Variants in MRC2 observed in about 807,000 individuals in gnomAD.
MRC2 encodes the protein mannose receptor C-type 2, also known as C-type mannose receptor 2.
MRC2 carries 84 observed loss-of-function variants against 206.2 expected under a neutral mutation model. The ratio of observed to expected loss-of-function variants is 0.41; its 90% confidence interval spans 0.34 to 0.49. The LOEUF (loss-of-function observed/expected upper bound fraction) is 0.49. MRC2 is among the 20% of genes least tolerant of loss of function. MRC2 has a pLI of 0.31. For missense variants in MRC2, 1,676 were observed against 2,001.5 expected, an observed-to-expected ratio of 0.84 and a Z score of 3.10; for synonymous variants, 798 against 800.0, an observed-to-expected ratio of 1.00 and a Z score of 0.04.
At chr17:62,651,933 T>A (rs2465421) in intron 1 of MRC2, among the ~76,000 whole-genome samples, 2 of 152,060 alleles carry the variant, frequency 1.3e-5, no homozygotes, top group Non-Finnish European at 2.9e-5. Flanking sequence ...GAATACATTT[T>A]GCTACACATT....
intron 1 of MRC2, among the ~76,000 whole-genome samples, chr17:62,653,811 G>A (rs909728497): frequency 1.3e-5 from 2 of 152,096 alleles, no homozygotes; most frequent in Non-Finnish European, 2.9e-5. Context: ...TCAGGATGTC[G>A]GTGGGGATGT....
Position 62,666,306 on chromosome 17 carries a change from C to T in MRC2, c.694+39C>T, listed in dbSNP as rs1433075997. On this transcript the variant is annotated intron_variant, in intron 3 of 29. Transcript: ENST00000303375. The surrounding 1 kb of genome is among the most constrained non-coding windows in gnomAD (Gnocchi z 5.0). ...GAGCCGTGGGGGCGGGGGCAGTGTT[C>T]CTGGAGGGAGGCTGGTGCTGAGGGG... 2 of 1,555,658 alleles carry T rather than the reference C, an allele frequency of 1.3e-6. No individual in the cohort carries two copies. The highest frequency in any genetic ancestry group is 1.7e-6 in the Non-Finnish European group (2 of 1,154,000).
intron 27 of MRC2, 82 bp downstream of exon 27, chr17:62,690,843 T>TG: frequency 2.0e-6 from 3 of 1,501,054 alleles, no homozygotes; most frequent in Non-Finnish European, 2.7e-6. Context: ...AGCCTTGTCC[T>TG]GGGGCTTGTC....
chr17:62,682,312 C>G lies in MRC2; in HGVS notation c.2881C>G (p.Pro961Ala). ...KRSNVTKETQ[P>A]PDLPTTALGG... Reference sequence around the variant, plus strand: ...CAGCAACGTCACCAAAGAAACGCAGCCCCCAGACCTGCCAACTACAGCCCT... The same window carrying G: ...CAGCAACGTCACCAAAGAAACGCAGGCCCCAGACCTGCCAACTACAGCCCT... The change falls in exon 20 of 30, where the codon CCC becomes GCC. Residue 961 changes from proline (P) to alanine (A), a missense_variant. This residue lies in a region of MRC2 where 1,354 missense variants were observed against 1,636.6 expected (regional missense o/e 0.83). Transcript: ENST00000303375. 1 of 1,606,304 alleles carries G rather than the reference C, an allele frequency of 6.2e-7. No individual in the cohort carries two copies. Among genetic ancestry groups the G allele is most frequent in the Non-Finnish European group, 8.5e-7 (1 of 1,176,552 alleles).
In MRC2 at chr17:62,688,849, C is replaced by A. The variant is rs758737942; in HGVS notation, c.3226-3C>A. 6 of 1,607,778 alleles carry A rather than the reference C, an allele frequency of 3.7e-6. No homozygotes were observed. The highest frequency in any genetic ancestry group is 3.3e-5 in the South Asian group (3 of 90,328). On this transcript the variant is annotated splice_polypyrimidine_tract_variant and splice_region_variant and intron_variant, in intron 22 of 29. Transcript: ENST00000303375. ...GCTCCCCTGAGCAGCTCCCTCCCCC[C>A]AGACCAGCTGTGCAGTGGTCCTGCA...
At chr17:62,673,611 C>T (rs775034337) in intron 8 of MRC2, among the ~76,000 whole-genome samples, 5 of 150,334 alleles carry the variant, frequency 3.3e-5, no homozygotes, top group African/African-American at 7.4e-5. Context: ...CAGGTTCAAG[C>T]GATTCTTCTG....
chr17:62,678,610 A>G lies in MRC2; in HGVS notation c.2159A>G (p.Glu720Gly), dbSNP rs765113231. Residue 720 changes from glutamate (E) to glycine (G), a missense_variant, in exon 13 of 30, where the codon GAG becomes GGG. Transcript: ENST00000303375. ...CTGAGCCTGGCCAGCTACGAGGAGG[A>G]GCACTTTGTGGCCAACATGCTCAAC... The part of the protein sequence containing the change: ...QLLSLASYEE[E>G]HFVANMLNKI... 1.2e-6 allele frequency: 2 copies of G among 1,611,792 alleles called. No individual in the cohort carries two copies. The highest frequency in any genetic ancestry group is 1.7e-6 in the Non-Finnish European group (2 of 1,179,252).
At chr17:62,677,647 G>A (rs1366052706) in intron 12 of MRC2, among the ~76,000 whole-genome samples, 161 bp downstream of exon 12, 2 of 152,196 alleles carry the variant, frequency 1.3e-5, no homozygotes, top group East Asian at 3.9e-4. Context: ...GAGGCCTGGT[G>A]CTCAGTAATC....
intron 1 of MRC2, among the ~76,000 whole-genome samples, chr17:62,635,850 C>T (rs530607096): frequency 2.0e-5 from 3 of 151,316 alleles, no homozygotes; most frequent in East Asian, 3.9e-4. Flanking sequence ...TGCAGTGGCA[C>T]GATCTCCACT....
intron 1 of MRC2, among the ~76,000 whole-genome samples, chr17:62,663,128 C>T (rs569041539): frequency 3.3e-5 from 5 of 152,092 alleles, no homozygotes; most frequent in East Asian, 1.9e-4. Flanking sequence ...GCTTACTGGG[C>T]GTGGGACACT....
intron 1 of MRC2, among the ~76,000 whole-genome samples, chr17:62,633,693 A>AAAAAT (rs1568046631): frequency 7.1e-6 from 1 of 141,498 alleles, no homozygotes. Flanking sequence ...AAAAAAAAAA[A>AAAAAT]AGCTGGGTGT....
At chr17:62,662,236 C>T (rs936367060) in intron 1 of MRC2, among the ~76,000 whole-genome samples, 5 of 148,074 alleles carry the variant, frequency 3.4e-5, no homozygotes, top group East Asian at 2.0e-4. Context: ...GGTGACAGAG[C>T]GGGACTCTGT....
chr17:62,690,358 G>C (rs1343032325), intron 26 of MRC2, 53 bp downstream of exon 26: 3 of 1,557,756 alleles, frequency 1.9e-6, no homozygotes, highest in Admixed American at 1.8e-5. Flanking sequence ...ACCTCCTCTC[G>C]TGGGCACTCA....
At position 62,677,357 on chromosome 17, in the gene MRC2, C is replaced by G; in HGVS notation, c.1923C>G (p.Arg641=). The change falls in exon 12 of 30, where the codon CGC becomes CGG. Residue 641 remains arginine, a synonymous_variant. Coordinates refer to ENST00000303375, the MANE Select transcript of MRC2 (RefSeq NM_006039.5). ...EVKNCTSFRA[R]YICRQSLGTP... is the part of the protein sequence containing the mutation. ...AGAACTGTACCTCGTTCCGGGCCCG[C>G]TACATCTGCCGGCAGAGCCTGGGCA... 5 of 1,609,894 alleles carry G rather than the reference C, an allele frequency of 3.1e-6. No individual in the cohort carries two copies. The highest frequency in any genetic ancestry group is 4.2e-6 in the Non-Finnish European group (5 of 1,178,810).
At chr17:62,681,017 G>C in intron 17 of MRC2, 45 bp from the exon 18 acceptor site, 1 of 1,612,678 alleles carries the variant, frequency 6.2e-7, no homozygotes, top group Non-Finnish European at 8.5e-7. Flanking sequence ...CCCGGGATGA[G>C]GGCAGGGGGC....
chr17:62,662,873 C>G (rs564992454), intron 1 of MRC2, among the ~76,000 whole-genome samples: 72 of 152,208 alleles, frequency 4.7e-4, no homozygotes, highest in African/African-American at 1.6e-3. Context: ...CGAGCCATTG[C>G]ACTCCAGCCT....
intron 6 of MRC2, among the ~76,000 whole-genome samples, chr17:62,668,317 A>C (rs1269932535): frequency 6.6e-6 from 1 of 151,700 alleles, no homozygotes; most frequent in Non-Finnish European, 1.5e-5. Flanking sequence ...GCACCACTGC[A>C]CTCCAACCTG....
intron 1 of MRC2, among the ~76,000 whole-genome samples, chr17:62,633,840 CAAAAAAAAAAAAAAAAAAAAA>C (rs571793821): frequency 6.8e-4 from 23 of 33,918 alleles, no homozygotes; most frequent in African/African-American, 1.9e-3. Context: ...GACCCTGTCT[CAAAAAAAAAAAAAAAAAAAAA>C]AAAAAAAAAA....
intron 20 of MRC2, among the ~76,000 whole-genome samples, chr17:62,687,538 TTGA>T (rs2089047065): frequency 6.6e-6 from 1 of 152,230 alleles, no homozygotes; most frequent in African/African-American, 2.4e-5. Flanking sequence ...GAGTCTTCAC[TTGA>T]TGAGAGATTT....
Sources: allele counts gnomAD v4.1 joint callset (sites outside exome capture counted in the v4.1 genomes callset), GRCh38; gene constraint gnomAD v4.1.1; regional missense constraint gnomAD v4.1.1; non-coding constraint Gnocchi (gnomAD v3.1); transcripts MANE v1.5; gene names NCBI Gene and HGNC (gene_info 2026-07-23, HGNC 2026-07-21).